PRMT8: variants seen among roughly 807,000 people sequenced by gnomAD.
PRMT8 encodes protein arginine N-methyltransferase 8.
PRMT8 carries 7 observed loss-of-function variants against 47.1 expected under a neutral mutation model. The ratio of observed to expected loss-of-function variants is 0.15; its 90% CI spans 0.08 to 0.28. The LOEUF is 0.28. Ranked by LOEUF, PRMT8 falls within the 10% of genes least tolerant of loss-of-function variation. PRMT8 has a pLI of 1.00. For missense variants in PRMT8, 237 were observed against 505.4 expected, an observed-to-expected ratio of 0.47 and a Z score of 5.09; for synonymous variants, 188 against 186.5, an observed-to-expected ratio of 1.01 and a Z score of -0.07.
At chr12:3,536,108 G>A (rs752996975) in intron 1 of PRMT8, among the ~76,000 whole-genome samples, 1 of 152,188 alleles carries the variant, frequency 6.6e-6, no homozygotes, top group South Asian at 2.1e-4. Context: ...ATACCCATAT[G>A]TCTCTTGTTT....
intron 4 of PRMT8, among the ~76,000 whole-genome samples, chr12:3,558,144 C>T (rs372385574): frequency 2.0e-5 from 3 of 152,096 alleles, no homozygotes; most frequent in East Asian, 3.9e-4. Context: ...GCTAACTTCC[C>T]CTGAGGCATC....
chr12:3,537,570 T>C (rs541270081), intron 1 of PRMT8, among the ~76,000 whole-genome samples: 1 of 152,330 alleles, frequency 6.6e-6, no homozygotes. Context: ...CATTTCAAAC[T>C]CTGCATATCC....
chr12:3,515,812 C>T lies in PRMT8; in HGVS notation c.75+24112C>T, dbSNP rs149618490. On this transcript the variant is annotated intron_variant, in intron 1 of 9. Coordinates refer to ENST00000382622, the MANE Select transcript of PRMT8 (RefSeq NM_019854.5). ...GGCTGCCTTGACACCCATGCATTGT[C>T]GTTAGTGCTGGCAGTTCCTATTTCC... 7.2e-4 allele frequency among the ~76,000 whole-genome samples: 110 copies of T among 152,342 alleles called. 3 individuals carry two copies. The South Asian group carries it at 0.012, about 17-fold the overall frequency.
chr12:3,513,581 T>A (rs1194761268), intron 1 of PRMT8, among the ~76,000 whole-genome samples: 1 of 152,176 alleles, frequency 6.6e-6, no homozygotes, highest in Non-Finnish European at 1.5e-5. Flanking sequence ...ACTCTTCCAA[T>A]TGCAGTTTTT....
At chr12:3,461,081 ACTCAG>A (rs1302485836) in intron 1 of PRMT8, among the ~76,000 whole-genome samples, 1 of 151,978 alleles carries the variant, frequency 6.6e-6, no homozygotes, top group Non-Finnish European at 1.5e-5. Context: ...ATAAACACCC[ACTCAG>A]CTGTTTATTT....
chr12:3,383,724 G>A (rs1474612392), intron 1 of PRMT8, among the ~76,000 whole-genome samples: 4 of 152,318 alleles, frequency 2.6e-5, no homozygotes, highest in Admixed American at 1.3e-4. Context: ...AACTTCTGTT[G>A]TTTTACCCGC....
At position 3,436,497 on chromosome 12, in the gene PRMT8, T is replaced by TA. The variant is rs368166569; in HGVS notation, c.48+55056dup. On this transcript the variant is annotated intron_variant, in intron 1 of 9. Transcript: ENST00000452611. The surrounding 1 kb of genome is among the most constrained non-coding windows in gnomAD (Gnocchi z 4.2). Reference sequence around the variant, plus strand: ...TCTTTCTTTCTTTTTTCTTTTTTTTTATGAGCTGCTATTGTCAGCGTGCAG... The same window carrying TA: ...TCTTTCTTTCTTTTTTCTTTTTTTTTAATGAGCTGCTATTGTCAGCGTGCAG... Among the ~76,000 whole-genome samples, 1 of 152,146 alleles carries TA rather than the reference T, an allele frequency of 6.6e-6. No homozygotes were observed. The highest frequency in any genetic ancestry group is 2.4e-5 in the African/African-American group (1 of 41,426).
At chr12:3,383,430 C>G (rs113764977) in intron 1 of PRMT8, among the ~76,000 whole-genome samples, 1 of 152,160 alleles carries the variant, frequency 6.6e-6, no homozygotes, top group Non-Finnish European at 1.5e-5. Context: ...GTCTGCTATG[C>G]GCTGAATGTG....
At chr12:3,496,196 A>G (rs1405229193) in intron 1 of PRMT8, among the ~76,000 whole-genome samples, 1 of 68,158 alleles carries the variant, frequency 1.5e-5, no homozygotes, top group Non-Finnish European at 2.5e-5. Context: ...CACTTTGGAA[A>G]CTGATATATA....
At chr12:3,568,461 G>A (rs11830078) in intron 4 of PRMT8, among the ~76,000 whole-genome samples, 2,281 of 152,290 alleles carry the variant, frequency 0.015, 62 homozygotes, top group African/African-American at 0.047. Context: ...GTGATACCAC[G>A]CATATAACGG....
chr12:3,437,209 T>TTA (rs1555079636), intron 1 of PRMT8, among the ~76,000 whole-genome samples: 32 of 151,992 alleles, frequency 2.1e-4, no homozygotes, highest in Admixed American at 2.1e-3. Flanking sequence ...AAATATATAT[T>TTA]TATATATATC....
chr12:3,556,219 C>G (rs891369148), intron 4 of PRMT8, among the ~76,000 whole-genome samples: 1 of 151,990 alleles, frequency 6.6e-6, no homozygotes, highest in Admixed American at 6.6e-5. Context: ...AGTCATCAAC[C>G]TATAGGTGGT....
chr12:3,515,518 T>C (rs1468239836), intron 1 of PRMT8, among the ~76,000 whole-genome samples: 1 of 152,030 alleles, frequency 6.6e-6, no homozygotes, highest in Admixed American at 6.5e-5. Flanking sequence ...AGTATAATAA[T>C]AATAAAATAA....
chr12:3,527,197 T>G (rs926135557), intron 1 of PRMT8, among the ~76,000 whole-genome samples: 1 of 152,180 alleles, frequency 6.6e-6, no homozygotes, highest in Admixed American at 6.5e-5. Flanking sequence ...ACCTTATATA[T>G]AGTAATCCCT....
chr12:3,391,248 G>A (rs1476989204), intron 1 of PRMT8, among the ~76,000 whole-genome samples: 1 of 152,188 alleles, frequency 6.6e-6, no homozygotes, highest in East Asian at 1.9e-4. Flanking sequence ...CCACTGGAGG[G>A]GAAAACCATG....
At chr12:3,403,238 G>A (rs1864336167) in intron 1 of PRMT8, among the ~76,000 whole-genome samples, 1 of 152,144 alleles carries the variant, frequency 6.6e-6, no homozygotes, top group South Asian at 2.1e-4. Context: ...AACACTGCAT[G>A]TTCTCCCTTA....
chr12:3,561,251 T>A (rs1368386904), intron 4 of PRMT8, among the ~76,000 whole-genome samples: 1 of 152,208 alleles, frequency 6.6e-6, no homozygotes, highest in Non-Finnish European at 1.5e-5. Flanking sequence ...GGGGCCCAGA[T>A]GCTGCACTTG....
At chr12:3,531,032 G>A (rs1565432566) in intron 1 of PRMT8, among the ~76,000 whole-genome samples, 2 of 152,222 alleles carry the variant, frequency 1.3e-5, no homozygotes, top group South Asian at 2.1e-4. Flanking sequence ...CTGGCTGTGT[G>A]CCTACGAAGC....
chr12:3,452,338 C>CAT (rs1864928084), intron 1 of PRMT8, among the ~76,000 whole-genome samples: 1 of 101,780 alleles, frequency 9.8e-6, no homozygotes, highest in African/African-American at 3.2e-5. Flanking sequence ...CACACACATA[C>CAT]ACACACACAC....
Sources: allele counts gnomAD v4.1 joint callset (sites outside exome capture counted in the v4.1 genomes callset), GRCh38; gene constraint gnomAD v4.1.1; non-coding constraint Gnocchi (gnomAD v3.1); transcripts MANE v1.5; gene names NCBI Gene and HGNC (gene_info 2026-07-23, HGNC 2026-07-21).